CDH6: variants seen among roughly 807,000 people sequenced by gnomAD.
CDH6 encodes cadherin 6.
Under a neutral mutation model 78.0 loss-of-function variants are expected in CDH6, and 31 were observed. The ratio of observed to expected loss-of-function variants is 0.40; its 90% CI spans 0.30 to 0.54. CDH6 has a LOEUF of 0.54. Ranked by LOEUF, CDH6 falls within the 20% of genes least tolerant of loss-of-function variation. CDH6 has a pLI of 0.56. For missense variants in CDH6, 724 were observed against 975.9 expected (o/e 0.74, Z 3.44); for synonymous variants, 376 against 368.8 (o/e 1.02, Z -0.23).
rs1738661686 is a variant in CDH6 at position 31,328,355 on chromosome 5, C to A, written c.*5047C>A. 1 of 199,154 alleles carries A rather than the reference C, an allele frequency of 5.0e-6. No homozygotes were observed. The highest frequency in any genetic ancestry group is 2.3e-5 in the African/African-American group (1 of 43,354). 12.3% of individuals were successfully genotyped at this position (199,154 alleles called of 1,614,324 possible). ...TTTATGTAAATATGTCTGGAGGCACCTTCTCTAAGCTTTTAGTTTTCTATG... is the reference window on the plus strand; with the variant it reads ...TTTATGTAAATATGTCTGGAGGCACATTCTCTAAGCTTTTAGTTTTCTATG... On this transcript the variant is annotated 3_prime_UTR_variant, in exon 12 of 12. Transcript: ENST00000265071.
At chr5:31,210,076 T>TTGTGTG (rs60543109) in intron 1 of CDH6, among the ~76,000 whole-genome samples, 16,733 of 146,434 alleles carry the variant, frequency 0.11, 1,285 homozygotes, top group East Asian at 0.46. Flanking sequence ...TTTTCTTAAA[T>TTGTGTG]TGTGTGTGTG....
chr5:31,324,116 C>T lies in CDH6; in HGVS notation c.*808C>T, dbSNP rs951846856. 2.3e-5 allele frequency: 5 copies of T among 221,156 alleles called. No individual in the cohort carries two copies. Among genetic ancestry groups the T allele is most frequent in the African/African-American group, 1.1e-4 (5 of 44,742 alleles). The allele number at this position is 221,156 out of a possible 1,614,324, so 13.7% of individuals were successfully genotyped here. On this transcript the variant is annotated 3_prime_UTR_variant, in exon 12 of 12. Coordinates refer to ENST00000265071, the MANE Select transcript of CDH6 (RefSeq NM_004932.4). ...AAAGTTTTGGCCACCACATGTATCA[C>T]GGGTCACTTGAAATTCTTTCAGCTA...
intron 1 of CDH6, among the ~76,000 whole-genome samples, chr5:31,244,000 A>G (rs549219647): frequency 1.2e-4 from 19 of 152,334 alleles, no homozygotes; most frequent in African/African-American, 4.3e-4. Flanking sequence ...AATTTTGTAC[A>G]GTCTTGTTTT....
At chr5:31,236,031 G>GT (rs1159341501) in intron 1 of CDH6, among the ~76,000 whole-genome samples, 2 of 151,874 alleles carry the variant, frequency 1.3e-5, no homozygotes, top group South Asian at 4.2e-4. Flanking sequence ...TTTCCATTCA[G>GT]TTTTTGAACT....
At chr5:31,302,848 G>T (rs1242875581) in intron 6 of CDH6, among the ~76,000 whole-genome samples, 2 of 131,614 alleles carry the variant, frequency 1.5e-5, no homozygotes, top group Non-Finnish European at 3.2e-5. Flanking sequence ...AAGAAAGAAA[G>T]AAAGAGAAAG....
chr5:31,208,655 A>C (rs1033371493), intron 1 of CDH6, among the ~76,000 whole-genome samples: 1 of 152,126 alleles, frequency 6.6e-6, no homozygotes. Context: ...AGTATGATAA[A>C]CTTTGCTTAT....
chr5:31,282,420 T>G (rs978050289), intron 2 of CDH6, among the ~76,000 whole-genome samples: 2 of 152,108 alleles, frequency 1.3e-5, no homozygotes, highest in Admixed American at 6.6e-5. Flanking sequence ...TCTCTCTCTC[T>G]CTCTGTCCTT....
At chr5:31,282,884 A>AAAAT (rs748027617) in intron 2 of CDH6, among the ~76,000 whole-genome samples, 16 of 152,222 alleles carry the variant, frequency 1.1e-4, no homozygotes, top group Non-Finnish European at 2.4e-4. Flanking sequence ...CAAAAAACAA[A>AAAAT]AAATTGAATT....
intron 1 of CDH6, among the ~76,000 whole-genome samples, chr5:31,207,394 T>C (rs769361863): frequency 2.6e-5 from 4 of 152,192 alleles, no homozygotes; most frequent in Admixed American, 2.0e-4. Context: ...CCAAATCTTA[T>C]TGGATCTTCA....
intron 1 of CDH6, among the ~76,000 whole-genome samples, chr5:31,252,108 C>G (rs1741926199): frequency 6.6e-6 from 1 of 152,180 alleles, no homozygotes; most frequent in Admixed American, 6.5e-5. Flanking sequence ...AACTATTGCA[C>G]TTCTGGCATT....
At position 31,305,216 on chromosome 5, in the gene CDH6, G is replaced by A. The variant is rs1197203298; in HGVS notation, c.1042G>A (p.Glu348Lys). ...GAAGAAAGTGTATACCCTTAAAGTG[G>A]AAGCCTCCAATCCTTATGTTGAGCC... is the stretch of plus-strand genomic sequence containing the variant. Reference protein sequence around the residue: ...EKKKVYTLKVEASNPYVEPRF... With the variant: ...EKKKVYTLKVKASNPYVEPRF... Residue 348 changes from glutamate to lysine, a missense_variant, in exon 7 of 12, where the codon GAA (glutamate) becomes AAA (lysine). Coordinates refer to ENST00000265071, the MANE Select transcript of CDH6 (RefSeq NM_004932.4). The A allele has an allele frequency of 1.9e-6, 3 of 1,614,068 alleles. No homozygotes were observed. Among genetic ancestry groups the A allele is most frequent in the African/African-American group, 2.7e-5 (2 of 75,006 alleles).
chr5:31,317,268 T>G (rs1738350090), intron 9 of CDH6, 107 bp from the exon 10 acceptor site: 3 of 655,706 alleles, frequency 4.6e-6, no homozygotes, highest in Non-Finnish European at 2.7e-6. Flanking sequence ...GCTATCATTT[T>G]TATAATTAAA....
intron 5 of CDH6, among the ~76,000 whole-genome samples, chr5:31,300,757 T>C (rs957751238): frequency 8.5e-5 from 13 of 152,138 alleles, no homozygotes; most frequent in Admixed American, 2.0e-4. Flanking sequence ...TAATGAGCAA[T>C]ATGCCAAGGC....
intron 1 of CDH6, among the ~76,000 whole-genome samples, chr5:31,197,985 T>C (rs1425943306): frequency 2.6e-5 from 4 of 152,164 alleles, no homozygotes; most frequent in Non-Finnish European, 4.4e-5. Context: ...CAAATGTGTA[T>C]AGTGTTTGTG....
intron 1 of CDH6, among the ~76,000 whole-genome samples, chr5:31,254,578 G>A (rs1579854760): frequency 1.3e-5 from 2 of 152,154 alleles, no homozygotes; most frequent in South Asian, 4.1e-4. Flanking sequence ...AATTGGGTTC[G>A]ATACTATCCT....
intron 1 of CDH6, among the ~76,000 whole-genome samples, chr5:31,266,694 G>A (rs915430892): frequency 6.6e-6 from 1 of 152,012 alleles, no homozygotes; most frequent in Non-Finnish European, 1.5e-5. Context: ...ATATGTATAG[G>A]CTTATCTTTA....
intron 1 of CDH6, among the ~76,000 whole-genome samples, chr5:31,213,299 G>T (rs1242991395): frequency 1.3e-5 from 2 of 152,190 alleles, no homozygotes; most frequent in African/African-American, 4.8e-5. Context: ...ATATTCAAAT[G>T]CAGAACGGAT....
In CDH6 at chr5:31,303,490, C is replaced by A. The variant is rs74565922; in HGVS notation, c.999+1192C>A. On this transcript the variant is annotated intron_variant, in intron 6 of 11. Transcript: ENST00000265071. ...TACTTTTTGGAACACAACAATAAAT[C>A]TTTTGTGTTCTGATTTCTATTTTTT... Among the ~76,000 whole-genome samples the A allele has an allele frequency of 2.6e-3, 399 of 152,202 alleles. 6 individuals carry two copies. The South Asian group carries it at 0.042, about 16-fold the overall frequency.
rs990978554 is a variant in CDH6 at position 31,326,280 on chromosome 5, A to T, written c.*2972A>T. ...TTCTGATGATATGTTTTTGCCCTCT[A>T]TTCAAAAGCAAGAGTTCCTTTAAAC... On this transcript the variant is annotated 3_prime_UTR_variant, in exon 12 of 12. Coordinates refer to ENST00000265071, the MANE Select transcript of CDH6 (RefSeq NM_004932.4). 4.5e-6 allele frequency: 1 copy of T among 220,360 alleles called. No homozygotes were observed. Among genetic ancestry groups the T allele is most frequent in the African/African-American group, 2.2e-5 (1 of 44,652 alleles). The allele number at this position is 220,360 out of a possible 1,614,324, so 13.7% of individuals were successfully genotyped here. A position where few individuals can be genotyped will look rare whatever the true frequency, so the allele number is the denominator to read the frequency against.
Sources: gnomAD v4.1 joint callset for allele counts (sites outside exome capture counted in the v4.1 genomes callset) on GRCh38, gnomAD v4.1.1 for gene constraint, MANE v1.5 for transcripts, NCBI Gene and HGNC (gene_info 2026-07-23, HGNC 2026-07-21) for gene names.